Variants in TJP1 observed in about 807,000 individuals in gnomAD.
TJP1 encodes tight junction protein ZO-1.
Under a neutral mutation model 194.2 loss-of-function variants are expected in TJP1, and 43 were observed. That is an observed-to-expected ratio of 0.22 (90% CI 0.17 to 0.29). The LOEUF (loss-of-function observed/expected upper bound fraction) is 0.29, where lower values mean the gene tolerates loss of function less well. Ranked by LOEUF, TJP1 falls within the 10% of genes least tolerant of loss-of-function variation. TJP1 has a pLI of 1.00. For missense variants in TJP1, 1,971 were observed against 2,185.7 expected (o/e 0.90, Z 1.96); for synonymous variants, 801 against 779.0 (o/e 1.03, Z -0.47).
At chr15:29,839,949 G>A (rs901382932) in intron 2 of TJP1, among the ~76,000 whole-genome samples, 1 of 152,112 alleles carries the variant, frequency 6.6e-6, no homozygotes, top group African/African-American at 2.4e-5. Context: ...TCTGATTTGT[G>A]TGTAATGATA....
At chr15:29,727,890 CA>C (rs2043341347) in intron 16 of TJP1, 46 bp downstream of exon 16, 1 of 1,545,700 alleles carries the variant, frequency 6.5e-7, no homozygotes, top group Non-Finnish European at 8.9e-7. Flanking sequence ...CCATCCCACT[CA>C]AAACCACAAT....
intron 2 of TJP1, among the ~76,000 whole-genome samples, chr15:29,873,287 C>T (rs962827664): frequency 1.4e-4 from 22 of 152,198 alleles, no homozygotes; most frequent in Admixed American, 7.2e-4. Flanking sequence ...ATACACTAAA[C>T]ACTTGTGGGA....
intron 18 of TJP1, among the ~76,000 whole-genome samples, chr15:29,725,845 C>T (rs975365751): frequency 1.3e-5 from 2 of 152,162 alleles, no homozygotes; most frequent in Non-Finnish European, 2.9e-5. Flanking sequence ...TGCATGAAGT[C>T]GGCTTTTTAA....
At chr15:29,799,030 G>T (rs1284714541) in intron 2 of TJP1, among the ~76,000 whole-genome samples, 2 of 152,178 alleles carry the variant, frequency 1.3e-5, no homozygotes, top group African/African-American at 4.8e-5. Context: ...GGTGTTAAGA[G>T]AAAGTTTTTG....
At chr15:29,835,521 T>G (rs1279178040) in intron 2 of TJP1, among the ~76,000 whole-genome samples, 1 of 152,002 alleles carries the variant, frequency 6.6e-6, no homozygotes, top group Non-Finnish European at 1.5e-5. Context: ...TAGCACAAAA[T>G]TGCCTGTAGT....
intron 2 of TJP1, among the ~76,000 whole-genome samples, chr15:29,945,946 C>T (rs1340202940): frequency 6.6e-6 from 1 of 152,142 alleles, no homozygotes; most frequent in Admixed American, 6.5e-5. Flanking sequence ...CACTGAACCC[C>T]CTACATCACG....
chr15:29,903,151 C>T (rs785436), intron 2 of TJP1, among the ~76,000 whole-genome samples: 12,992 of 152,040 alleles, frequency 0.085, 619 homozygotes, highest in South Asian at 0.12. Flanking sequence ...ATACACTTGG[C>T]GGCTTCTGGC....
At chr15:29,739,506 C>T (rs892583761) in intron 10 of TJP1, among the ~76,000 whole-genome samples, 5 of 151,368 alleles carry the variant, frequency 3.3e-5, no homozygotes, top group Admixed American at 6.6e-5. Context: ...TGCAGTGGCG[C>T]GATCTCGGCT....
At position 29,800,583 on chromosome 15, in the gene TJP1, T is replaced by C. The variant is rs544426463; in HGVS notation, c.84+63A>G. The C allele has an allele frequency of 9.7e-6, 15 of 1,546,948 alleles. No individual in the cohort carries two copies. In the East Asian group the frequency reaches 1.6e-4, roughly 16 times the overall value. ...CTTCCTGACATCTGGCTTTCCTCTA[T>C]TGTTTTCAAAGCTGCCAGTATCCTG... On this transcript the variant is annotated intron_variant, in intron 2 of 27. Coordinates refer to ENST00000614355, the MANE Select transcript of TJP1 (RefSeq NM_001330239.4).
At position 29,704,166 on chromosome 15, in the gene TJP1, C is replaced by T. The variant is rs1018964453; in HGVS notation, c.5208G>A (p.Ser1736=). 1.2e-5 allele frequency: 19 copies of T among 1,556,474 alleles called. No individual in the cohort carries two copies. Among genetic ancestry groups the T allele is most frequent in the African/African-American group, 2.7e-5 (2 of 73,626 alleles). ...WSFALKSSDS[S]SGDPKTWQNK... ...GACAGAGTGAAGACAGCATACCCGA[C>T]GAGGAGTCGGATGATTTTAGAGCAA... Residue 1736 remains serine (S), a synonymous_variant, in exon 27 of 28, where the codon TCG becomes TCA. Coordinates refer to ENST00000614355, the MANE Select transcript of TJP1 (RefSeq NM_001330239.4).
At chr15:29,918,091 T>C (rs149628146) in intron 2 of TJP1, among the ~76,000 whole-genome samples, 263 of 152,330 alleles carry the variant, frequency 1.7e-3, no homozygotes, top group African/African-American at 6.0e-3. Context: ...TTTGTCCTTT[T>C]ATGACTGACT....
chr15:29,762,289 CTTG>C (rs1459437028), intron 6 of TJP1, 43 bp downstream of exon 6: 2 of 1,508,028 alleles, frequency 1.3e-6, no homozygotes, highest in Non-Finnish European at 9.1e-7. Flanking sequence ...AACTCTAGAA[CTTG>C]TTTTCTATTT....
intron 12 of TJP1, among the ~76,000 whole-genome samples, chr15:29,733,941 C>T (rs2043841291): frequency 6.6e-6 from 1 of 152,182 alleles, no homozygotes; most frequent in African/African-American, 2.4e-5. Context: ...TGCTTAGAAA[C>T]ATCAGTACAA....
intron 1 of TJP1, chr15:29,820,666 C>G: frequency 1.5e-6 from 1 of 654,898 alleles, no homozygotes. Flanking sequence ...GGAAACAAAG[C>G]CTTTCCTCCT....
chr15:29,760,853 G>C (rs1202965956), intron 8 of TJP1, among the ~76,000 whole-genome samples: 1 of 152,160 alleles, frequency 6.6e-6, no homozygotes, highest in Non-Finnish European at 1.5e-5. Context: ...AGTTTTATGG[G>C]AACATAGTCA....
At chr15:29,705,478 A>G in intron 26 of TJP1, 50 bp downstream of exon 26, 4 of 1,578,276 alleles carry the variant, frequency 2.5e-6, no homozygotes, top group Non-Finnish European at 3.5e-6. Flanking sequence ...AAGTGCACAC[A>G]GGGCAACTCT....
At chr15:29,828,521 T>A (rs2050741080) in intron 2 of TJP1, among the ~76,000 whole-genome samples, 1 of 152,292 alleles carries the variant, frequency 6.6e-6, no homozygotes, top group Non-Finnish European at 1.5e-5. Context: ...TCACTGATAC[T>A]GCCAAATTGC....
intron 3 of TJP1, 99 bp downstream of exon 3, chr15:29,773,134 A>T (rs1486384466): frequency 7.2e-7 from 1 of 1,389,322 alleles, no homozygotes. Context: ...TGGAGTGTGA[A>T]TATGACAAAA....
intron 23 of TJP1, among the ~76,000 whole-genome samples, chr15:29,715,848 G>A (rs1342308175): frequency 6.6e-6 from 1 of 152,166 alleles, no homozygotes; most frequent in East Asian, 1.9e-4. Context: ...CTGTAACTGT[G>A]TAAATGAATT....
Sources: allele counts gnomAD v4.1 joint callset (sites outside exome capture counted in the v4.1 genomes callset), GRCh38; gene constraint gnomAD v4.1.1; transcripts MANE v1.5; gene names NCBI Gene and HGNC (gene_info 2026-07-23, HGNC 2026-07-21).